The following CPA6 variants were observed in gnomAD, a reference collection of about 807,000 sequenced individuals.
CPA6 encodes carboxypeptidase A6, also known as carboxypeptidase B.
In CPA6, 58 loss-of-function variants were observed where a neutral mutation model predicts 63.3. The observed-to-expected ratio is 0.92, with a 90% confidence interval of 0.74 to 1.14. The LOEUF (loss-of-function observed/expected upper bound fraction) is 1.14, where lower values mean the gene tolerates loss of function less well. CPA6 is among the 50% of genes most tolerant of loss of function. CPA6 has a pLI of 0.00. For missense variants in CPA6, 565 were observed against 526.6 expected (o/e 1.07, Z -0.71); for synonymous variants, 185 against 179.0 (o/e 1.03, Z -0.27).
rs190395360 is a variant in CPA6 at position 67,724,947 on chromosome 8, G to A, written c.116+21067C>T. Among the ~76,000 whole-genome samples, 11 of 152,278 alleles carry A rather than the reference G, an allele frequency of 7.2e-5. No individual in the cohort carries two copies. In the East Asian group the frequency reaches 2.1e-3, roughly 29 times the overall value. On this transcript the variant is annotated intron_variant, in intron 1 of 10. Coordinates refer to ENST00000297770, the MANE Select transcript of CPA6 (RefSeq NM_020361.5). The stretch of plus-strand genomic sequence containing the variant: ...GTTATCAGTTCCTTCTGAGTTGTTA[G>A]CATTCTGTGTTAACAAGTTATAAAG...
chr8:67,603,597 T>C (rs569630902), intron 2 of CPA6, among the ~76,000 whole-genome samples: 1 of 152,344 alleles, frequency 6.6e-6, no homozygotes, highest in African/African-American at 2.4e-5. Context: ...TTGAATAGTA[T>C]TGGGAACCCT....
At chr8:67,730,844 A>C (rs1817692271) in intron 1 of CPA6, among the ~76,000 whole-genome samples, 1 of 152,206 alleles carries the variant, frequency 6.6e-6, no homozygotes, top group African/African-American at 2.4e-5. Flanking sequence ...GAATCTTTGG[A>C]GTGATCAATA....
intron 1 of CPA6, among the ~76,000 whole-genome samples, chr8:67,707,101 G>A (rs1217914168): frequency 6.6e-6 from 1 of 152,102 alleles, no homozygotes; most frequent in Non-Finnish European, 1.5e-5. Flanking sequence ...GACAATTATT[G>A]TCTTATTTTG....
At chr8:67,436,998 C>A (rs959504707) in intron 8 of CPA6, among the ~76,000 whole-genome samples, 4 of 152,126 alleles carry the variant, frequency 2.6e-5, no homozygotes, top group Admixed American at 2.0e-4. Context: ...AGTCAAGAGT[C>A]GAGTGGGGAA....
At chr8:67,471,498 C>G (rs939676199) in intron 8 of CPA6, among the ~76,000 whole-genome samples, 1 of 151,838 alleles carries the variant, frequency 6.6e-6, no homozygotes, top group African/African-American at 2.4e-5. Flanking sequence ...AAAAATACTC[C>G]TAACATTAGT....
Position 67,483,754 on chromosome 8 carries a change from G to T in CPA6, c.838+14C>A, listed in dbSNP as rs750581931. The T allele has an allele frequency of 5.6e-6, 9 of 1,608,240 alleles. No individual in the cohort carries two copies. The highest frequency in any genetic ancestry group is 7.7e-6 in the Non-Finnish European group (9 of 1,174,854). On this transcript the variant is annotated intron_variant, in intron 8 of 10. Transcript: ENST00000297770. ...AAACCTTTGGATCTGGATCCCAGTT[G>T]GTCCCAAACTTACCACACCACTTCA...
intron 8 of CPA6, among the ~76,000 whole-genome samples, chr8:67,477,039 C>T (rs148776219): frequency 1.6e-4 from 25 of 151,968 alleles, no homozygotes; most frequent in African/African-American, 6.0e-4. Flanking sequence ...GTCTGTAATC[C>T]CAGCACTTTG....
At chr8:67,496,519 T>TTATATATATATATA (rs1163959938) in intron 6 of CPA6, among the ~76,000 whole-genome samples, 12 of 94,140 alleles carry the variant, frequency 1.3e-4, no homozygotes, top group East Asian at 3.3e-4. Context: ...ACTATATAGT[T>TTATATATATATATA]TATATATATA....
chr8:67,614,907 G>A (rs1814905461), intron 2 of CPA6, among the ~76,000 whole-genome samples: 1 of 152,192 alleles, frequency 6.6e-6, no homozygotes, highest in Admixed American at 6.5e-5. Flanking sequence ...ATTGACCAGT[G>A]ACATTATGTC....
At chr8:67,506,940 C>A in intron 5 of CPA6, 52 bp from the exon 6 acceptor site, 1 of 1,238,758 alleles carries the variant, frequency 8.1e-7, no homozygotes, top group Non-Finnish European at 1.2e-6. Flanking sequence ...GATTCACTGA[C>A]CAGCATAATT....
chr8:67,437,326 C>T (rs1810184050), intron 8 of CPA6, among the ~76,000 whole-genome samples: 1 of 152,088 alleles, frequency 6.6e-6, no homozygotes, highest in Non-Finnish European at 1.5e-5. Flanking sequence ...ACCCGGGAGG[C>T]GGAGCTTGTA....
At chr8:67,506,142 GCT>G (rs1811922222) in intron 6 of CPA6, among the ~76,000 whole-genome samples, 1 of 151,962 alleles carries the variant, frequency 6.6e-6, no homozygotes, top group Non-Finnish European at 1.5e-5. Flanking sequence ...GGCACAAAAG[GCT>G]GGCCCACTCT....
chr8:67,678,989 A>T (rs1226967464), intron 1 of CPA6, among the ~76,000 whole-genome samples: 1 of 152,204 alleles, frequency 6.6e-6, no homozygotes, highest in African/African-American at 2.4e-5. Context: ...CATTGATATA[A>T]CAATTCCGAC....
chr8:67,606,475 G>T (rs1054204618), intron 2 of CPA6, among the ~76,000 whole-genome samples: 1 of 152,130 alleles, frequency 6.6e-6, no homozygotes, highest in African/African-American at 2.4e-5. Flanking sequence ...AATAGGTCCA[G>T]GTATGGCTCT....
intron 8 of CPA6, among the ~76,000 whole-genome samples, chr8:67,439,374 G>A (rs763931364): frequency 7.9e-5 from 12 of 152,210 alleles, no homozygotes; most frequent in Non-Finnish European, 1.3e-4. Context: ...ATCACTTGAG[G>A]TAAGGAGTTT....
At chr8:67,486,495 A>G (rs916175273) in intron 6 of CPA6, among the ~76,000 whole-genome samples, 6 of 152,242 alleles carry the variant, frequency 3.9e-5, no homozygotes, top group Non-Finnish European at 8.8e-5. Context: ...ATGTTCACAC[A>G]ATGATGAAAT....
chr8:67,589,262 G>T (rs1034646613), intron 2 of CPA6, among the ~76,000 whole-genome samples: 3 of 152,086 alleles, frequency 2.0e-5, no homozygotes, highest in East Asian at 1.9e-4. Context: ...AAAAGGATTT[G>T]ACCAAAACTA....
At chr8:67,461,163 C>CTT (rs1313860597) in intron 8 of CPA6, among the ~76,000 whole-genome samples, 1 of 142,952 alleles carries the variant, frequency 7.0e-6, no homozygotes, top group Non-Finnish European at 1.5e-5. Flanking sequence ...GGCAGATAAA[C>CTT]AAGTGAACAA....
chr8:67,612,443 G>GTT (rs1814832981), intron 2 of CPA6, among the ~76,000 whole-genome samples: 1 of 152,146 alleles, frequency 6.6e-6, no homozygotes, highest in Non-Finnish European at 1.5e-5. Context: ...TCTGTACTGG[G>GTT]TCAATGTCTT....
Sources: allele counts gnomAD v4.1 joint callset (sites outside exome capture counted in the v4.1 genomes callset), GRCh38; gene constraint gnomAD v4.1.1; transcripts MANE v1.5; gene names NCBI Gene and HGNC (gene_info 2026-07-23, HGNC 2026-07-21).